The following ALAD variants were observed in gnomAD, a reference collection of about 807,000 sequenced individuals.
ALAD encodes the protein delta-aminolevulinic acid dehydratase.
A neutral mutation model predicts 44.4 loss-of-function variants in ALAD; 20 were observed. The observed-to-expected ratio is 0.45, with a 90% CI of 0.32 to 0.65. ALAD has a LOEUF of 0.65. ALAD is among the 30% of genes least tolerant of loss of function. ALAD has a pLI of 0.05. For synonymous variants in ALAD, 156 were observed against 167.9 expected (o/e 0.93, Z 0.55); for missense variants, 323 against 445.7 (o/e 0.72, Z 2.48).
In ALAD at chr9:113,386,752, G is replaced by A. The variant is rs1187381850; in HGVS notation, c.*1548C>T. 6.6e-6 allele frequency: 1 copy of A among 152,112 alleles called. No homozygotes were observed. Among genetic ancestry groups the A allele is most frequent in the African/African-American group, 2.4e-5 (1 of 41,410 alleles). 9.4% of individuals were successfully genotyped at this position (152,112 alleles called of 1,614,324 possible). On this transcript the variant is annotated 3_prime_UTR_variant, in exon 12 of 12. Transcript: ENST00000409155. ...AAACTTGTTGAGTGGCCTTAGGTGA[G>A]TCACATAAGCACTCTAGATATAGCT... is the stretch of plus-strand genomic sequence containing the variant.
Position 113,393,568 on chromosome 9 carries a change from C to T in ALAD, c.-9G>A. 7 of 1,610,954 alleles carry T rather than the reference C, an allele frequency of 4.3e-6. No individual in the cohort carries two copies. Among genetic ancestry groups the T allele is most frequent in the Non-Finnish European group, 5.9e-6 (7 of 1,178,218 alleles). On this transcript the variant is annotated 5_prime_UTR_variant, in exon 2 of 12. Transcript: ENST00000409155. The stretch of plus-strand genomic sequence containing the variant: ...ACGGACTGGGGCTGCATGGCGTGGG[C>T]CAGTGGGCACAGGGGCATCAGTTGG...
At chr9:113,390,351 A>G (rs190575514) in intron 7 of ALAD, 54 bp downstream of exon 7, 1 of 1,564,332 alleles carries the variant, frequency 6.4e-7, no homozygotes, top group Non-Finnish European at 8.8e-7. Context: ...ACACGGGGGC[A>G]GGGCTGGTGC....
At chr9:113,389,136 G>T (rs1827495220) in intron 10 of ALAD, 30 bp from the exon 11 acceptor site, 2 of 1,613,436 alleles carry the variant, frequency 1.2e-6, no homozygotes, top group Admixed American at 1.7e-5. Flanking sequence ...GAGACAGGCT[G>T]AAATGGAGGG....
At chr9:113,391,747 C>T in intron 3 of ALAD, 124 bp from the exon 4 acceptor site, 1 of 791,844 alleles carries the variant, frequency 1.3e-6, no homozygotes, top group South Asian at 1.4e-5. Context: ...GGGCTCAAGC[C>T]CCCAGGACAG....
At chr9:113,394,870 A>C (rs818681) in intron 1 of ALAD, among the ~76,000 whole-genome samples, 4 of 151,990 alleles carry the variant, frequency 2.6e-5, no homozygotes, top group Admixed American at 2.6e-4. Flanking sequence ...TGGCCAACAC[A>C]GTTAAACCCC....
intron 1 of ALAD, among the ~76,000 whole-genome samples, chr9:113,395,415 A>G (rs1259987727): frequency 1.3e-5 from 2 of 152,244 alleles, no homozygotes; most frequent in African/African-American, 4.8e-5. Flanking sequence ...ACCTCATGCC[A>G]GTAGACAGAG....
At chr9:113,398,060 C>T (rs1827777870) in intron 1 of ALAD, 1 of 152,200 alleles carries the variant, frequency 6.6e-6, no homozygotes, top group South Asian at 2.1e-4. Context: ...TACTGTATTT[C>T]ATAATACTGA....
chr9:113,397,620 C>CTTT (rs554533853), intron 1 of ALAD, among the ~76,000 whole-genome samples: 149 of 108,784 alleles, frequency 1.4e-3, no homozygotes, highest in Non-Finnish European at 1.7e-3. Flanking sequence ...TTTTCCTTTT[C>CTTT]TTTTTTTTTT....
intron 11 of ALAD, 41 bp downstream of exon 11, chr9:113,388,936 C>T (rs771543639): frequency 1.2e-6 from 2 of 1,613,568 alleles, no homozygotes; most frequent in East Asian, 4.5e-5. Context: ...CTTATCAGTC[C>T]CTGTGGCGCA....
Position 113,391,521 on chromosome 9 carries a change from C to T in ALAD, c.261+6G>A. On this transcript the variant is annotated splice_donor_region_variant and intron_variant, in intron 4 of 11. Transcript: ENST00000409155. Reference sequence around the variant, plus strand: ...TCCCTTCTTAGCCCTTCCTTTGATTCTTCACCTTGGGAACTCTGCTGGGGA... The same window carrying T: ...TCCCTTCTTAGCCCTTCCTTTGATTTTTCACCTTGGGAACTCTGCTGGGGA... 2 of 1,613,712 alleles carry T rather than the reference C, an allele frequency of 1.2e-6. No individual in the cohort carries two copies. The highest frequency in any genetic ancestry group is 1.3e-5 in the African/African-American group (1 of 75,042).
intron 1 of ALAD, among the ~76,000 whole-genome samples, chr9:113,400,093 G>A (rs1827818955): frequency 6.6e-6 from 1 of 152,206 alleles, no homozygotes; most frequent in African/African-American, 2.4e-5. Flanking sequence ...TTTAGACGTA[G>A]GAGAAGCTGC....
chr9:113,388,210 T>C lies in ALAD; in HGVS notation c.*90A>G. The stretch of plus-strand genomic sequence containing the variant: ...GCAGGAAGAGGGCATGAGGGCACAG[T>C]TCTAAAAGCAGCATTTACTTTGGTT... On this transcript the variant is annotated 3_prime_UTR_variant, in exon 12 of 12. Transcript: ENST00000409155. 14 of 1,388,050 alleles carry C rather than the reference T, an allele frequency of 1.0e-5. No homozygotes were observed. The highest frequency in any genetic ancestry group is 1.4e-5 in the Non-Finnish European group (14 of 975,034). 86.0% of individuals were successfully genotyped at this position (1,388,050 alleles called of 1,614,324 possible). A position where few individuals can be genotyped will look rare whatever the true frequency, so the allele number is the denominator to read the frequency against.
At chr9:113,395,402 C>T (rs895786421) in intron 1 of ALAD, among the ~76,000 whole-genome samples, 1 of 152,238 alleles carries the variant, frequency 6.6e-6, no homozygotes, top group African/African-American at 2.4e-5. Flanking sequence ...GTGGACCTGT[C>T]TTACCTCATG....
In ALAD at chr9:113,387,994, C is replaced by T; in HGVS notation, c.*306G>A. The T allele has an allele frequency of 2.3e-6, 1 of 433,706 alleles. No homozygotes were observed. The highest frequency in any genetic ancestry group is 4.3e-6 in the Non-Finnish European group (1 of 231,794). The allele number at this position is 433,706 out of a possible 1,614,324, so 26.9% of individuals were successfully genotyped here. A position where few individuals can be genotyped will look rare whatever the true frequency, so the allele number is the denominator to read the frequency against. On this transcript the variant is annotated 3_prime_UTR_variant, in exon 12 of 12. Transcript: ENST00000409155. ...CCAGCCAGGCCCCAAAGGCTGTGCC[C>T]CCGACTCCAGGTTGCTTTCAAGCTG...
chr9:113,401,097 G>C (rs1827842212), intron 1 of ALAD, 115 bp downstream of exon 1: 1 of 152,342 alleles, frequency 6.6e-6, no homozygotes, highest in Non-Finnish European at 1.5e-5. Flanking sequence ...GCACCGCCAG[G>C]GCTTCAGGCG....
intron 1 of ALAD, among the ~76,000 whole-genome samples, chr9:113,399,040 C>A (rs957263682): frequency 6.6e-6 from 1 of 152,202 alleles, no homozygotes; most frequent in Non-Finnish European, 1.5e-5. Flanking sequence ...CCAGGAGGTC[C>A]AGCACCTCTG....
chr9:113,389,550 T>G, intron 9 of ALAD, 26 bp from the exon 10 acceptor site: 1 of 1,614,084 alleles, frequency 6.2e-7, no homozygotes, highest in Non-Finnish European at 8.5e-7. Context: ...ATAATGTGGG[T>G]GGTGCCTAGG....
chr9:113,386,626 G>A lies in ALAD; in HGVS notation c.*1674C>T, dbSNP rs1827402816. 1 of 152,130 alleles carries A rather than the reference G, an allele frequency of 6.6e-6. No homozygotes were observed. Among genetic ancestry groups the A allele is most frequent in the African/African-American group, 2.4e-5 (1 of 41,416 alleles). 9.4% of individuals were successfully genotyped at this position (152,130 alleles called of 1,614,324 possible). ...TTTTGCTGTTGATTATTGGGAGGTG[G>A]TATGGCACAGTGGTTAGGGGCAGAG... On this transcript the variant is annotated 3_prime_UTR_variant, in exon 12 of 12. Coordinates refer to ENST00000409155, the MANE Select transcript of ALAD (RefSeq NM_000031.6).
At chr9:113,397,187 CT>C (rs1827753071) in intron 1 of ALAD, 1 of 152,214 alleles carries the variant, frequency 6.6e-6, no homozygotes, top group African/African-American at 2.4e-5. Flanking sequence ...AGAAAACCAC[CT>C]TTGTAACAGG....
Sources: gnomAD v4.1 joint callset for allele counts (sites outside exome capture counted in the v4.1 genomes callset) on GRCh38, gnomAD v4.1.1 for gene constraint, MANE v1.5 for transcripts, NCBI Gene and HGNC (gene_info 2026-07-23, HGNC 2026-07-21) for gene names.